The following ZMAT5 variants were observed in gnomAD, a reference collection of about 807,000 sequenced individuals.
The protein encoded by ZMAT5 is zinc finger matrin-type 5.
In ZMAT5, 23 loss-of-function variants were observed where a neutral mutation model predicts 28.0. That is an observed-to-expected ratio of 0.82 (90% CI 0.59 to 1.16). The LOEUF (loss-of-function observed/expected upper bound fraction) is 1.16, where lower values mean the gene tolerates loss of function less well. ZMAT5 is among the 50% of genes most tolerant of loss of function. The pLI, the probability that ZMAT5 is intolerant of heterozygous loss-of-function variation, is 0.00. For synonymous variants in ZMAT5, 76 were observed against 84.1 expected, an observed-to-expected ratio of 0.90 and a Z score of 0.52; for missense variants, 173 against 212.7, an observed-to-expected ratio of 0.81 and a Z score of 1.16.
chr22:29,762,796 C>T (rs533999203), intron 1 of ZMAT5, among the ~76,000 whole-genome samples: 18 of 152,178 alleles, frequency 1.2e-4, no homozygotes, highest in African/African-American at 2.2e-4. Context: ...TCCTGTATCC[C>T]GTCCATAGAA....
intron 1 of ZMAT5, among the ~76,000 whole-genome samples, chr22:29,760,228 C>G (rs1295564590): frequency 1.3e-5 from 2 of 151,808 alleles, no homozygotes; most frequent in Non-Finnish European, 2.9e-5. Context: ...AAAAAATTAG[C>G]TGGGCATGGT....
chr22:29,737,441 T>A (rs140113), intron 5 of ZMAT5, among the ~76,000 whole-genome samples: 85,275 of 152,156 alleles, frequency 0.56, 24,132 homozygotes, highest in East Asian at 0.62. Flanking sequence ...GGAAGGCCTC[T>A]TCCCCCAGAC....
In ZMAT5 at chr22:29,744,118, G is replaced by A. The variant is rs182610478; in HGVS notation, c.128-1638C>T. Among the ~76,000 whole-genome samples the A allele has an allele frequency of 3.0e-3, 453 of 152,284 alleles. 1 individual carries two copies. The highest frequency in any genetic ancestry group is 0.01 in the African/African-American group (426 of 41,558). On this transcript the variant is annotated intron_variant, in intron 2 of 5. Transcript: ENST00000344318. ...GGAGAGTGCTTTGCAGAGGAGGCCCGTGGCTCCCAACTCTGGTGGTACATG... is the reference window on the plus strand; with the variant it reads ...GGAGAGTGCTTTGCAGAGGAGGCCCATGGCTCCCAACTCTGGTGGTACATG...
At chr22:29,744,303 C>T (rs1028864569) in intron 2 of ZMAT5, among the ~76,000 whole-genome samples, 8 of 136,864 alleles carry the variant, frequency 5.8e-5, no homozygotes, top group Non-Finnish European at 1.2e-4. Flanking sequence ...AACATCCCCA[C>T]TTTGCAGAGG....
At chr22:29,750,374 T>C (rs2068045693) in intron 1 of ZMAT5, among the ~76,000 whole-genome samples, 1 of 152,084 alleles carries the variant, frequency 6.6e-6, no homozygotes, top group South Asian at 2.1e-4. Context: ...CCCAAGGAGA[T>C]CACTAAATTA....
chr22:29,748,081 C>A, intron 2 of ZMAT5: 1 of 372,164 alleles, frequency 2.7e-6, no homozygotes, highest in South Asian at 2.2e-5. Context: ...CTCCCTCCTG[C>A]TCCGAGAGCC....
intron 1 of ZMAT5, among the ~76,000 whole-genome samples, chr22:29,759,606 A>T (rs529700517): frequency 6.6e-6 from 1 of 152,208 alleles, no homozygotes; most frequent in Non-Finnish European, 1.5e-5. Flanking sequence ...CTCTAAAAAA[A>T]AATTTTTTTT....
intron 4 of ZMAT5, among the ~76,000 whole-genome samples, chr22:29,739,228 G>A (rs931753285): frequency 2.0e-5 from 3 of 152,118 alleles, no homozygotes; most frequent in Non-Finnish European, 4.4e-5. Flanking sequence ...ACCAATCAAC[G>A]AATGGAATTT....
At chr22:29,742,534 G>A (rs1473936585) in intron 2 of ZMAT5, 54 bp from the exon 3 acceptor site, 11 of 1,577,618 alleles carry the variant, frequency 7.0e-6, no homozygotes, top group Non-Finnish European at 8.7e-6. Context: ...ACCAAAGGAG[G>A]CAGGAAGTGG....
intron 5 of ZMAT5, among the ~76,000 whole-genome samples, chr22:29,735,564 G>C (rs568047552): frequency 3.3e-5 from 5 of 152,380 alleles, no homozygotes; most frequent in Middle Eastern, 3.4e-3. Context: ...CTTGGTGTCA[G>C]AGGCAGCCTG....
chr22:29,758,012 C>G (rs533366752), intron 1 of ZMAT5, among the ~76,000 whole-genome samples: 1 of 150,752 alleles, frequency 6.6e-6, no homozygotes, highest in East Asian at 2.0e-4. Context: ...GAGACTCCAT[C>G]TCCAAAAAAA....
At chr22:29,753,676 A>T (rs530527994) in intron 1 of ZMAT5, among the ~76,000 whole-genome samples, 1 of 152,208 alleles carries the variant, frequency 6.6e-6, no homozygotes, top group African/African-American at 2.4e-5. Context: ...GTGACAGAGC[A>T]AGACTCCCTC....
At chr22:29,737,179 A>C (rs908166083) in intron 5 of ZMAT5, among the ~76,000 whole-genome samples, 1 of 151,930 alleles carries the variant, frequency 6.6e-6, no homozygotes, top group Non-Finnish European at 1.5e-5. Context: ...AAATACAAAA[A>C]TCAGCCAGGT....
chr22:29,742,330 T>C, intron 3 of ZMAT5, 88 bp downstream of exon 3: 1 of 1,379,446 alleles, frequency 7.2e-7, no homozygotes, highest in Non-Finnish European at 1.0e-6. Flanking sequence ...GTGGCCCGGG[T>C]CGGGGAAGAC....
intron 5 of ZMAT5, chr22:29,731,817 T>TG (rs1238675696): frequency 2.0e-5 from 3 of 152,852 alleles, no homozygotes; most frequent in African/African-American, 7.2e-5. Context: ...AAAAAAATCC[T>TG]GGAAGACACA....
At chr22:29,751,732 C>T (rs953173003) in intron 1 of ZMAT5, among the ~76,000 whole-genome samples, 6 of 152,130 alleles carry the variant, frequency 3.9e-5, no homozygotes, top group Admixed American at 6.5e-5. Flanking sequence ...TTTGGGAGGC[C>T]GAGATGGGTC....
Position 29,742,368 on chromosome 22 carries a change from C to A in ZMAT5, c.190+50G>T, listed in dbSNP as rs1472022216. 4 of 1,587,578 alleles carry A rather than the reference C, an allele frequency of 2.5e-6. No individual in the cohort carries two copies. The South Asian group carries it at 4.4e-5, about 18-fold the overall frequency. On this transcript the variant is annotated intron_variant, in intron 3 of 5. Transcript: ENST00000344318. ...TCTGCAGAGGTCCAAGTGGGGCAGGCTGGATATCGCAGGTCCCCGCAGGGA... is the reference window on the plus strand; with the variant it reads ...TCTGCAGAGGTCCAAGTGGGGCAGGATGGATATCGCAGGTCCCCGCAGGGA...
intron 1 of ZMAT5, among the ~76,000 whole-genome samples, chr22:29,763,642 G>T (rs1007830163): frequency 5.3e-5 from 8 of 151,198 alleles, no homozygotes; most frequent in African/African-American, 1.9e-4. Context: ...ATAAAAATTA[G>T]GCTGGGGAGA....
chr22:29,762,744 C>A (rs2068169674), intron 1 of ZMAT5, among the ~76,000 whole-genome samples: 1 of 152,154 alleles, frequency 6.6e-6, no homozygotes, highest in Non-Finnish European at 1.5e-5. Flanking sequence ...ATAAAGTGCA[C>A]AATAAATATA....
Sources: gnomAD v4.1 joint callset for allele counts (sites outside exome capture counted in the v4.1 genomes callset) on GRCh38, gnomAD v4.1.1 for gene constraint, MANE v1.5 for transcripts, NCBI Gene and HGNC (gene_info 2026-07-23, HGNC 2026-07-21) for gene names.